Variants in SLC20A2 observed in about 807,000 individuals in gnomAD.
The protein encoded by SLC20A2 is solute carrier family 20 member 2.
In SLC20A2, 30 loss-of-function variants were observed where a neutral mutation model predicts 61.0. The observed-to-expected ratio is 0.49, with a 90% CI of 0.37 to 0.67. The LOEUF (loss-of-function observed/expected upper bound fraction) is 0.67. Among genes scored for constraint, SLC20A2 ranks in the 30% least tolerant of loss-of-function variants. SLC20A2 has a pLI of 0.00. For synonymous variants in SLC20A2, 351 were observed against 353.3 expected (o/e 0.99, Z 0.07); for missense variants, 626 against 866.4 (o/e 0.72, Z 3.48).
chr8:42,464,279 C>CTTTTT lies in SLC20A2; in HGVS notation c.431-1190_431-1189insAAAAA, dbSNP rs202204490. 2.5e-4 allele frequency among the ~76,000 whole-genome samples: 34 copies of CTTTTT among 136,740 alleles called. 1 individual carries two copies. Among genetic ancestry groups the CTTTTT allele is most frequent in the African/African-American group, 1.0e-3 (34 of 33,424 alleles). 89.7% of individuals were successfully genotyped at this position (136,740 alleles called of 152,430 possible). On this transcript the variant is annotated intron_variant, in intron 3 of 10. Transcript: ENST00000520262. ...CGCACCATCACACCAGGCTAATTTT[C>CTTTTT]TTTCTTTTTTTTTTTTTTTTGTTGT...
At position 42,455,303 on chromosome 8, in the gene SLC20A2, G is replaced by A. The variant is rs184306450; in HGVS notation, c.613+4593C>T. 1.0e-4 allele frequency among the ~76,000 whole-genome samples: 15 copies of A among 144,242 alleles called. 1 individual carries two copies. The highest frequency in any genetic ancestry group is 9.1e-4 in the Admixed American group (13 of 14,242). The allele number at this position is 144,242 out of a possible 152,430, so 94.6% of individuals were successfully genotyped here. The stretch of plus-strand genomic sequence containing the variant: ...AGAGAGAGAGAGAGAGCGTGCGCAT[G>A]CACTCCAGGTTCCCAAATATACCAG... On this transcript the variant is annotated intron_variant, in intron 5 of 10. Transcript: ENST00000520262.
chr8:42,526,640 C>T (rs184756968), intron 1 of SLC20A2, among the ~76,000 whole-genome samples: 49 of 149,634 alleles, frequency 3.3e-4, no homozygotes, highest in Admixed American at 2.0e-3. Context: ...GCCACTGCAC[C>T]CCAGCCTGGG....
chr8:42,448,890 A>C (rs1805442095), intron 5 of SLC20A2, among the ~76,000 whole-genome samples: 1 of 152,190 alleles, frequency 6.6e-6, no homozygotes. Flanking sequence ...TAAGGCCTGC[A>C]TGTGAAAAAA....
At chr8:42,457,220 G>A (rs1374121687) in intron 5 of SLC20A2, among the ~76,000 whole-genome samples, 2 of 152,004 alleles carry the variant, frequency 1.3e-5, no homozygotes, top group African/African-American at 4.8e-5. Context: ...GAGCCACCGC[G>A]CCCAGCCTCA....
At chr8:42,438,055 AAAAAAACC>A (rs1359950674) in intron 7 of SLC20A2, among the ~76,000 whole-genome samples, 13 of 129,828 alleles carry the variant, frequency 1.0e-4, no homozygotes, top group African/African-American at 2.9e-4. Flanking sequence ...ACCACTAAAA[AAAAAAACC>A]AAAAAAAAAA....
At chr8:42,440,574 A>G (rs1208211885) in intron 6 of SLC20A2, among the ~76,000 whole-genome samples, 1 of 152,212 alleles carries the variant, frequency 6.6e-6, no homozygotes, top group Non-Finnish European at 1.5e-5. Flanking sequence ...AAGGTGCTAT[A>G]AACATTCATG....
chr8:42,468,748 G>T (rs1292748113), intron 2 of SLC20A2, among the ~76,000 whole-genome samples: 1 of 152,076 alleles, frequency 6.6e-6, no homozygotes, highest in African/African-American at 2.4e-5. Context: ...GCCGGGCGGG[G>T]GTGGGGTGGC....
intron 2 of SLC20A2, among the ~76,000 whole-genome samples, chr8:42,468,096 G>T (rs1392375586): frequency 6.6e-6 from 1 of 151,920 alleles, no homozygotes; most frequent in Non-Finnish European, 1.5e-5. Flanking sequence ...TAGAGACGGG[G>T]TTTCACCGCG....
At chr8:42,530,820 A>T (rs541787168) in intron 1 of SLC20A2, among the ~76,000 whole-genome samples, 52 of 152,168 alleles carry the variant, frequency 3.4e-4, no homozygotes, top group African/African-American at 1.2e-3. Context: ...GGTTCAAGGG[A>T]TTCTCCTGCT....
At position 42,475,410 on chromosome 8, in the gene SLC20A2, A is replaced by G. The variant is rs141877840; in HGVS notation, c.-264-2756T>C. The stretch of plus-strand genomic sequence containing the variant: ...ATACCATGCCCGGCCCAGACTTAGG[A>G]ATTTTTCTGTTGTCTTTGAGACAAA... On this transcript the variant is annotated intron_variant, in intron 1 of 10. Transcript: ENST00000520262. 5.0e-3 allele frequency among the ~76,000 whole-genome samples: 743 copies of G among 147,222 alleles called. 13 individuals are homozygous for G. The highest frequency in any genetic ancestry group is 0.017 in the African/African-American group (687 of 39,684).
upstream of SLC20A2, among the ~76,000 whole-genome samples, chr8:42,504,467 G>C (rs149587615): frequency 3.4e-3 from 519 of 152,080 alleles, 4 homozygotes; most frequent in African/African-American, 0.012. Context: ...GAGAAAGAAA[G>C]ACTAAAAGGA....
intron 1 of SLC20A2, chr8:42,484,885 T>C (rs372003969): frequency 7.4e-6 from 3 of 403,700 alleles, no homozygotes. Context: ...ACTGAGCATC[T>C]CGGCCATGCA....
At chr8:42,440,377 A>C (rs1450345354) in intron 6 of SLC20A2, among the ~76,000 whole-genome samples, 5 of 152,194 alleles carry the variant, frequency 3.3e-5, no homozygotes, top group African/African-American at 1.2e-4. Context: ...TCACATAAAT[A>C]AAATAATAAA....
Position 42,456,567 on chromosome 8 carries a change from C to T in SLC20A2, c.613+3329G>A, listed in dbSNP as rs185731560. Among the ~76,000 whole-genome samples the T allele has an allele frequency of 2.3e-4, 35 of 152,100 alleles. No homozygotes were observed. In the East Asian group the frequency reaches 6.6e-3, roughly 29 times the overall value. On this transcript the variant is annotated intron_variant, in intron 5 of 10. Coordinates refer to ENST00000520262, the MANE Select transcript of SLC20A2 (RefSeq NM_001257180.2). The stretch of plus-strand genomic sequence containing the variant: ...CCAACATAGCAAAACCCCGTCTCTA[C>T]TAAAAATACAAAAAATTAGCCAGGC...
At chr8:42,507,015 A>G (rs1810750908) in intron 1 of SLC20A2, among the ~76,000 whole-genome samples, 1 of 152,174 alleles carries the variant, frequency 6.6e-6, no homozygotes, top group African/African-American at 2.4e-5. Context: ...AGTCCCTGCC[A>G]CTGGTCAGCC....
chr8:42,513,613 C>T (rs1811147317), intron 1 of SLC20A2, among the ~76,000 whole-genome samples: 1 of 152,190 alleles, frequency 6.6e-6, no homozygotes, highest in South Asian at 2.1e-4. Flanking sequence ...CTCCCCTGAG[C>T]AGGCGGCTGG....
chr8:42,451,268 G>A (rs750667768), intron 5 of SLC20A2, among the ~76,000 whole-genome samples: 3 of 151,698 alleles, frequency 2.0e-5, no homozygotes, highest in Admixed American at 6.6e-5. Flanking sequence ...GGAAGAAGAG[G>A]AGGAGGACAG....
At chr8:42,470,835 G>A (rs984977130) in intron 2 of SLC20A2, among the ~76,000 whole-genome samples, 1 of 151,940 alleles carries the variant, frequency 6.6e-6, no homozygotes, top group African/African-American at 2.4e-5. Flanking sequence ...TTAGCCAGGT[G>A]CGGTGGCACA....
intron 2 of SLC20A2, among the ~76,000 whole-genome samples, chr8:42,466,227 T>C (rs1039862659): frequency 6.6e-6 from 1 of 152,144 alleles, no homozygotes; most frequent in African/African-American, 2.4e-5. Context: ...CTCTGCCTCC[T>C]GGGTTCAAGC....
Sources: gnomAD v4.1 joint callset for allele counts (sites outside exome capture counted in the v4.1 genomes callset) on GRCh38, gnomAD v4.1.1 for gene constraint, MANE v1.5 for transcripts, NCBI Gene and HGNC (gene_info 2026-07-23, HGNC 2026-07-21) for gene names.